The following ABCG8 variants were observed in gnomAD, a reference collection of about 807,000 sequenced individuals.
The protein encoded by ABCG8 is ATP binding cassette subfamily G member 8.
ABCG8 carries 81 observed loss-of-function variants against 71.3 expected under a neutral mutation model. That is an observed-to-expected ratio of 1.14 (90% CI 0.95 to 1.37). ABCG8 has a LOEUF of 1.37. ABCG8 is among the 40% of genes most tolerant of loss of function. ABCG8 has a pLI of 0.00. For missense variants in ABCG8, 1,119 were observed against 866.2 expected (o/e 1.29, Z -3.66); for synonymous variants, 451 against 354.7 (o/e 1.27, Z -3.05).
At chr2:43,839,516 T>C (rs1439381081) in intron 1 of ABCG8, among the ~76,000 whole-genome samples, 1 of 142,570 alleles carries the variant, frequency 7.0e-6, no homozygotes, top group Non-Finnish European at 1.5e-5. Context: ...AAGCTCTGCC[T>C]CCTAGGTTCA....
At chr2:43,860,403 A>C (rs1669269058) in intron 6 of ABCG8, among the ~76,000 whole-genome samples, 1 of 150,742 alleles carries the variant, frequency 6.6e-6, no homozygotes, top group Middle Eastern at 3.5e-3. Context: ...TGTTTGGTAC[A>C]GTTCTCACGA....
intron 1 of ABCG8, 40 bp downstream of exon 1, chr2:43,839,156 G>T (rs148770185): frequency 1.9e-6 from 3 of 1,545,600 alleles, no homozygotes; most frequent in South Asian, 2.4e-5. Flanking sequence ...CCTGGTGGGC[G>T]GGTAGGAGAA....
chr2:43,850,855 A>C (rs1355116825), intron 3 of ABCG8, among the ~76,000 whole-genome samples: 2 of 151,174 alleles, frequency 1.3e-5, no homozygotes, highest in African/African-American at 4.9e-5. Context: ...GATTGCAGTG[A>C]GCTGAGATCA....
chr2:43,841,233 G>A (rs201556936), intron 1 of ABCG8, among the ~76,000 whole-genome samples: 3 of 152,222 alleles, frequency 2.0e-5, no homozygotes, highest in Admixed American at 6.5e-5. Context: ...TGCTCTGTGA[G>A]TTTCCTTCTT....
intron 6 of ABCG8, among the ~76,000 whole-genome samples, chr2:43,871,432 C>A (rs1360978496): frequency 6.7e-6 from 1 of 149,074 alleles, no homozygotes; most frequent in Non-Finnish European, 1.5e-5. Context: ...CACTGTCTAT[C>A]TGGATAGAAC....
In ABCG8 at chr2:43,856,616, T is replaced by G. The variant is rs76660098; in HGVS notation, c.964+3748T>G. Reference sequence around the variant, plus strand: ...TCTGGATACAATTTTCCCATCTGAATAGAACTCTCTATCCGGATAGAATTC... The same window carrying G: ...TCTGGATACAATTTTCCCATCTGAAGAGAACTCTCTATCCGGATAGAATTC... On this transcript the variant is annotated intron_variant, in intron 6 of 12. Coordinates refer to ENST00000272286, the MANE Select transcript of ABCG8 (RefSeq NM_022437.3). 1.7e-4 allele frequency among the ~76,000 whole-genome samples: 26 copies of G among 150,742 alleles called. 1 individual carries two copies. The highest frequency in any genetic ancestry group is 1.7e-3 in the Admixed American group (26 of 15,162).
chr2:43,847,074 G>C (rs1668768884), intron 3 of ABCG8: 1 of 153,198 alleles, frequency 6.5e-6, no homozygotes, highest in African/African-American at 2.4e-5. Context: ...GAAATTGAGG[G>C]ATTCTCGTAA....
At chr2:43,851,933 C>A in intron 4 of ABCG8, 111 bp downstream of exon 4, 2 of 1,272,242 alleles carry the variant, frequency 1.6e-6, no homozygotes, top group Admixed American at 3.4e-5. Flanking sequence ...CGAGTTTGAA[C>A]AACTCAGCTT....
rs1558865596 is a variant in ABCG8, at chr2:43,878,036, C to T, written c.*123C>T. The T allele has an allele frequency of 2.1e-6, 3 of 1,448,306 alleles. No individual in the cohort carries two copies. The highest frequency in any genetic ancestry group is 2.8e-5 in the African/African-American group (2 of 71,304). 89.7% of individuals were successfully genotyped at this position (1,448,306 alleles called of 1,614,324 possible). A position where few individuals can be genotyped will look rare whatever the true frequency, so the allele number is the denominator to read the frequency against. On this transcript the variant is annotated 3_prime_UTR_variant, in exon 13 of 13. Transcript: ENST00000272286. ...GACCCTACAGATGCTCAGCTACATC[C>T]GGCCCAGGGTGCTGCAGTGGCACAG...
chr2:43,873,655 C>T (rs1410556522), intron 8 of ABCG8, 132 bp from the exon 9 acceptor site: 4 of 856,970 alleles, frequency 4.7e-6, no homozygotes, highest in African/African-American at 1.7e-5. Flanking sequence ...CTCAGAGCCA[C>T]TCTATGAGGC....
At chr2:43,849,841 C>T (rs1276523053) in intron 3 of ABCG8, among the ~76,000 whole-genome samples, 1 of 152,146 alleles carries the variant, frequency 6.6e-6, no homozygotes, top group African/African-American at 2.4e-5. Flanking sequence ...CCCTTCTACC[C>T]TGAGAGCCTC....
intron 1 of ABCG8, among the ~76,000 whole-genome samples, chr2:43,843,231 C>A (rs1258353261): frequency 6.6e-6 from 1 of 152,098 alleles, no homozygotes; most frequent in East Asian, 1.9e-4. Context: ...AAATTCCAAG[C>A]CTGAAGGGTG....
At chr2:43,857,287 A>G (rs1669145348) in intron 6 of ABCG8, among the ~76,000 whole-genome samples, 1 of 151,320 alleles carries the variant, frequency 6.6e-6, no homozygotes, top group Admixed American at 6.6e-5. Flanking sequence ...TAAAATTCTC[A>G]CCATCTGTGT....
At chr2:43,863,558 C>T (rs183793066) in intron 6 of ABCG8, among the ~76,000 whole-genome samples, 2 of 151,600 alleles carry the variant, frequency 1.3e-5, no homozygotes, top group Admixed American at 1.3e-4. Flanking sequence ...GGATAGAACT[C>T]TCACTATCTA....
In ABCG8 at chr2:43,864,603, A is replaced by C. The variant is rs145265772; in HGVS notation, c.965-7373A>C. On this transcript the variant is annotated intron_variant, in intron 6 of 12. Coordinates refer to ENST00000272286, the MANE Select transcript of ABCG8 (RefSeq NM_022437.3). Reference sequence around the variant, plus strand: ...TTCTCACCATCTGCATGGAACTCTCACTATCTGTCTAGGTAGAATTCTCAC... The same window carrying C: ...TTCTCACCATCTGCATGGAACTCTCCCTATCTGTCTAGGTAGAATTCTCAC... Among the ~76,000 whole-genome samples the C allele has an allele frequency of 1.5e-4, 23 of 151,790 alleles. No homozygotes were observed. In the East Asian group the frequency reaches 4.5e-3, roughly 29 times the overall value.
Position 43,873,770 on chromosome 2 carries a change from T to C in ABCG8, c.1212-17T>C. On this transcript the variant is annotated splice_polypyrimidine_tract_variant and intron_variant, in intron 8 of 12. Transcript: ENST00000272286. ...TGTATGCTGTTGCCTCAGCATCTCT[T>C]CCTTTTGGTTTTTAAGTCGTCAGAT... The C allele has an allele frequency of 6.2e-7, 1 of 1,613,944 alleles. No individual in the cohort carries two copies. Among genetic ancestry groups the C allele is most frequent in the Non-Finnish European group, 8.5e-7 (1 of 1,179,910 alleles).
At position 43,879,963 on chromosome 2, in the gene ABCG8, C is replaced by A. The variant is rs574455034; in HGVS notation, c.*2050C>A. Reference sequence around the variant, plus strand: ...TGAAACTATGTAAATTGTAAACTTTCCATTTATGCATTTTAAAATTTTGAT... The same window carrying A: ...TGAAACTATGTAAATTGTAAACTTTACATTTATGCATTTTAAAATTTTGAT... On this transcript the variant is annotated 3_prime_UTR_variant, in exon 13 of 13. Coordinates refer to ENST00000272286, the MANE Select transcript of ABCG8 (RefSeq NM_022437.3). 6.6e-6 allele frequency: 1 copy of A among 151,966 alleles called. No homozygotes were observed. The highest frequency in any genetic ancestry group is 1.5e-5 in the Non-Finnish European group (1 of 67,992). 9.4% of individuals were successfully genotyped at this position (151,966 alleles called of 1,614,324 possible). A position where few individuals can be genotyped will look rare whatever the true frequency, so the allele number is the denominator to read the frequency against.
At position 43,877,896 on chromosome 2, in the gene ABCG8, CCAAGT is replaced by C; in HGVS notation, c.2010_2014del (p.Ser670ArgfsTer60). Reference sequence around the variant, plus strand: ...GTCCTTAAGGTTCATCAAACAGAAACCAAGTCAAGACTGGTGATTCACGCCAGACG... The same window carrying C: ...GTCCTTAAGGTTCATCAAACAGAAACCAAGACTGGTGATTCACGCCAGACG... On this transcript the variant is annotated frameshift_variant, in exon 13 of 13. Coordinates refer to ENST00000272286, the MANE Select transcript of ABCG8 (RefSeq NM_022437.3). LOFTEE classifies it high-confidence loss of function. 6.2e-7 allele frequency: 1 copy of C among 1,614,100 alleles called. No homozygotes were observed. The highest frequency in any genetic ancestry group is 8.5e-7 in the Non-Finnish European group (1 of 1,180,008).
In ABCG8 at chr2:43,877,547, C is replaced by T. The variant is rs759822212; in HGVS notation, c.1757-14C>T. The T allele has an allele frequency of 1.2e-6, 2 of 1,613,358 alleles. No homozygotes were observed. The highest frequency in any genetic ancestry group is 1.3e-5 in the African/African-American group (1 of 74,844). ...TGAGGGACACCTGTGAGTAACGCGG[C>T]TGTCTGTCTCCAGTGCCCGCGTGGA... On this transcript the variant is annotated splice_polypyrimidine_tract_variant and intron_variant, in intron 11 of 12. Coordinates refer to ENST00000272286, the MANE Select transcript of ABCG8 (RefSeq NM_022437.3).
Sources: gnomAD v4.1 joint callset for allele counts (sites outside exome capture counted in the v4.1 genomes callset) on GRCh38, gnomAD v4.1.1 for gene constraint, MANE v1.5 for transcripts, NCBI Gene and HGNC (gene_info 2026-07-23, HGNC 2026-07-21) for gene names.